The following CUL4A variants were observed in gnomAD, a reference collection of about 807,000 sequenced individuals.
CUL4A encodes the protein cullin-4A.
Under a neutral mutation model 95.5 loss-of-function variants are expected in CUL4A, and 16 were observed. That is an observed-to-expected ratio of 0.17 (90% CI 0.11 to 0.25). The LOEUF (loss-of-function observed/expected upper bound fraction) is 0.25, where lower values mean the gene tolerates loss of function less well. CUL4A is among the 10% of genes least tolerant of loss of function. CUL4A has a pLI of 1.00. For missense variants in CUL4A, 610 were observed against 937.0 expected (o/e 0.65, Z 4.56); for synonymous variants, 380 against 353.1 (o/e 1.08, Z -0.85).
rs1282233029 is a variant in CUL4A, at chr13:113,264,797, A to T, written c.*1215A>T. 6.6e-6 allele frequency: 1 copy of T among 152,628 alleles called. No homozygotes were observed. The highest frequency in any genetic ancestry group is 1.5e-5 in the Non-Finnish European group (1 of 68,040). The allele number at this position is 152,628 out of a possible 1,614,324, so 9.5% of individuals were successfully genotyped here. A position where few individuals can be genotyped will look rare whatever the true frequency, so the allele number is the denominator to read the frequency against. Reference sequence around the variant, plus strand: ...TTTGATTTTGTGCTAAATTATTAAGAGTCTCTTTTTGAAACATGCGGGTTT... The same window carrying T: ...TTTGATTTTGTGCTAAATTATTAAGTGTCTCTTTTTGAAACATGCGGGTTT... On this transcript the variant is annotated 3_prime_UTR_variant, in exon 20 of 20. Coordinates refer to ENST00000375440, the MANE Select transcript of CUL4A (RefSeq NM_001008895.4).
chr13:113,244,239 T>A, intron 11 of CUL4A, 171 bp from the exon 12 acceptor site: 1 of 572,284 alleles, frequency 1.7e-6, no homozygotes, highest in Non-Finnish European at 3.1e-6. Context: ...GGCAAGTATT[T>A]ACTCTCACTT....
intron 18 of CUL4A, among the ~76,000 whole-genome samples, chr13:113,256,021 G>T (rs947591765): frequency 1.3e-5 from 2 of 152,102 alleles, no homozygotes; most frequent in Non-Finnish European, 2.9e-5. Context: ...TGGTGTGAGT[G>T]TATGTAAACT....
intron 2 of CUL4A, among the ~76,000 whole-genome samples, chr13:113,213,809 C>T (rs1160292844): frequency 6.6e-6 from 1 of 152,220 alleles, no homozygotes; most frequent in Non-Finnish European, 1.5e-5. Flanking sequence ...AGGGGCATCT[C>T]TGGAGGTGCT....
chr13:113,260,784 A>C lies in CUL4A; in HGVS notation c.2184+25A>C, dbSNP rs748288190. 4 of 1,494,368 alleles carry C rather than the reference A, an allele frequency of 2.7e-6. No individual in the cohort carries two copies. In the South Asian group the frequency reaches 4.8e-5, roughly 18 times the overall value. The allele number at this position is 1,494,368 out of a possible 1,614,324, so 92.6% of individuals were successfully genotyped here. On this transcript the variant is annotated intron_variant, in intron 19 of 19. Transcript: ENST00000375440. ...GGTAAATGTAACATTAGCATAATTA[A>C]ATTTGTAGTATTTGCTAAACAATTG...
intron 19 of CUL4A, among the ~76,000 whole-genome samples, chr13:113,262,723 G>C (rs1421111805): frequency 3.9e-5 from 6 of 152,238 alleles, no homozygotes; most frequent in African/African-American, 1.4e-4. Context: ...GCCCCAGTAA[G>C]ACATGTTGAG....
intron 16 of CUL4A, among the ~76,000 whole-genome samples, chr13:113,253,462 T>A (rs937278750): frequency 1.3e-5 from 2 of 151,998 alleles, no homozygotes; most frequent in African/African-American, 2.4e-5. Flanking sequence ...TTGAAAAAAA[T>A]ATCTGTGAAG....
upstream of CUL4A, chr13:113,208,599 C>A (rs138888496): frequency 3.1e-6 from 5 of 1,606,634 alleles, no homozygotes; most frequent in Non-Finnish European, 4.2e-6. Context: ...TAGGACCCAC[C>A]TGCTGCAGGT....
Position 113,254,684 on chromosome 13 carries a change from C to T in CUL4A, c.1753-9C>T. 1.9e-6 allele frequency: 3 copies of T among 1,563,428 alleles called. No individual in the cohort carries two copies. Among genetic ancestry groups the T allele is most frequent in the Non-Finnish European group, 2.6e-6 (3 of 1,139,948 alleles). ...AGCTTCAGAGGTGTGATGAGGCCTT[C>T]TCTTCCAGGGGAAGAAGGAATTCCA... On this transcript the variant is annotated splice_polypyrimidine_tract_variant and intron_variant, in intron 16 of 19. Coordinates refer to ENST00000375440, the MANE Select transcript of CUL4A (RefSeq NM_001008895.4).
At chr13:113,227,891 GA>G (rs1237863557) in intron 3 of CUL4A, 84 bp from the exon 4 acceptor site, 2 of 804,872 alleles carry the variant, frequency 2.5e-6, no homozygotes, top group African/African-American at 3.6e-5. Context: ...CTGGGCGACA[GA>G]GCGAGACTCC....
chr13:113,245,853 A>G (rs2041843516), intron 14 of CUL4A, 103 bp from the exon 15 acceptor site: 3 of 884,118 alleles, frequency 3.4e-6, no homozygotes, highest in African/African-American at 1.7e-5. Flanking sequence ...AAATTCTAAC[A>G]CAGATGAAAC....
intron 2 of CUL4A, 39 bp from the exon 3 acceptor site, chr13:113,218,906 G>T: frequency 7.0e-7 from 1 of 1,418,690 alleles, no homozygotes; most frequent in South Asian, 1.2e-5. Flanking sequence ...CCAATCTGTT[G>T]TTCATACTGA....
chr13:113,265,524 A>T lies in CUL4A; in HGVS notation c.*1942A>T, dbSNP rs2042383241. On this transcript the variant is annotated 3_prime_UTR_variant, in exon 20 of 20. Coordinates refer to ENST00000375440, the MANE Select transcript of CUL4A (RefSeq NM_001008895.4). ...CACCTCAGTCTCCCAAGTAGCTGGG[A>T]TTACAGGCACCCGCCATCATGCCCA... 1 of 152,460 alleles carries T rather than the reference A, an allele frequency of 6.6e-6. No individual in the cohort carries two copies. Among genetic ancestry groups the T allele is most frequent in the Non-Finnish European group, 1.5e-5 (1 of 68,268 alleles). 9.4% of individuals were successfully genotyped at this position (152,460 alleles called of 1,614,324 possible). A position where few individuals can be genotyped will look rare whatever the true frequency, so the allele number is the denominator to read the frequency against.
chr13:113,235,040 C>T (rs765376059), intron 7 of CUL4A, 23 bp from the exon 8 acceptor site: 9 of 1,495,556 alleles, frequency 6.0e-6, no homozygotes, highest in South Asian at 2.3e-5. Context: ...GTTACTGATA[C>T]ATTTAATTGT....
intron 3 of CUL4A, chr13:113,219,271 T>C: frequency 2.3e-6 from 1 of 434,510 alleles, no homozygotes; most frequent in Non-Finnish European, 4.1e-6. Context: ...GTTGAAGTAT[T>C]TAGGAAATGT....
At chr13:113,233,660 A>G (rs990782844) in intron 6 of CUL4A, among the ~76,000 whole-genome samples, 28 of 152,212 alleles carry the variant, frequency 1.8e-4, no homozygotes, top group African/African-American at 5.3e-4. Flanking sequence ...AACACACACA[A>G]AAGACAAAGG....
At chr13:113,262,175 C>T (rs563951392) in intron 19 of CUL4A, among the ~76,000 whole-genome samples, 7 of 152,240 alleles carry the variant, frequency 4.6e-5, no homozygotes, top group South Asian at 2.1e-4. Context: ...GAGCCTTGCA[C>T]GTAAGTGCTC....
intron 15 of CUL4A, among the ~76,000 whole-genome samples, chr13:113,251,391 T>C (rs1595419797): frequency 6.6e-6 from 1 of 152,180 alleles, no homozygotes; most frequent in Non-Finnish European, 1.5e-5. Flanking sequence ...GATCAGAGGT[T>C]AGAATTTCAC....
intron 15 of CUL4A, among the ~76,000 whole-genome samples, chr13:113,251,517 G>A (rs2041993634): frequency 7.0e-6 from 1 of 143,368 alleles, no homozygotes; most frequent in African/African-American, 2.5e-5. Context: ...ATATTGAATT[G>A]TAATCACCAC....
At position 113,242,424 on chromosome 13, in the gene CUL4A, G is replaced by A. The variant is rs574403783; in HGVS notation, c.1036-544G>A. On this transcript the variant is annotated intron_variant, in intron 10 of 19. Transcript: ENST00000375440. ...ACATAAACATTCTTTAAAAAGCAAC[G>A]GACATTTTCCAGTCGTTTGTAAGTT... Among the ~76,000 whole-genome samples, 10 of 152,270 alleles carry A rather than the reference G, an allele frequency of 6.6e-5. No homozygotes were observed. The East Asian group carries it at 1.9e-3, about 29-fold the overall frequency.
Sources: gnomAD v4.1 joint callset for allele counts (sites outside exome capture counted in the v4.1 genomes callset) on GRCh38, gnomAD v4.1.1 for gene constraint, MANE v1.5 for transcripts, NCBI Gene and HGNC (gene_info 2026-07-23, HGNC 2026-07-21) for gene names.